The following PBX1 variants were observed in gnomAD, a reference collection of about 807,000 sequenced individuals.
The protein encoded by PBX1 is PBX homeobox 1.
Under a neutral mutation model 53.4 loss-of-function variants are expected in PBX1, and 6 were observed. That is an observed-to-expected ratio of 0.11 (90% CI 0.06 to 0.22). The LOEUF is 0.22. PBX1 is among the 10% of genes least tolerant of loss of function. PBX1 has a pLI of 1.00. For missense variants in PBX1, 251 were observed against 551.4 expected, an observed-to-expected ratio of 0.46 and a Z score of 5.46; for synonymous variants, 204 against 212.3, an observed-to-expected ratio of 0.96 and a Z score of 0.34.
intron 2 of PBX1, among the ~76,000 whole-genome samples, chr1:164,707,437 G>C (rs1663497619): frequency 6.6e-6 from 1 of 151,212 alleles, no homozygotes; most frequent in Admixed American, 6.6e-5. Context: ...GAGAGAGAGA[G>C]AGAGAGAGAG....
At chr1:164,666,872 A>G (rs1660839082) in intron 2 of PBX1, among the ~76,000 whole-genome samples, 1 of 152,254 alleles carries the variant, frequency 6.6e-6, no homozygotes, top group South Asian at 2.1e-4. Flanking sequence ...GTCTCATTGA[A>G]TCTTCACAGA....
At chr1:164,817,469 C>T (rs2102357351) in intron 6 of PBX1, 1 of 152,354 alleles carries the variant, frequency 6.6e-6, no homozygotes, top group East Asian at 1.9e-4. Context: ...CTTCTAGATA[C>T]TTATCAGAGA....
In PBX1 at chr1:164,849,398, C is replaced by T. The variant is rs767564399; in HGVS notation, c.*2722C>T. ...CACTTCCGACTTCCAACGTGGCATCCGTGAGATCTGTCCACATTAGGCGAA... is the reference window on the plus strand; with the variant it reads ...CACTTCCGACTTCCAACGTGGCATCTGTGAGATCTGTCCACATTAGGCGAA... On this transcript the variant is annotated 3_prime_UTR_variant, in exon 9 of 9. Transcript: ENST00000420696. The T allele has an allele frequency of 2.9e-5, 45 of 1,535,474 alleles. No individual in the cohort carries two copies. In the East Asian group the frequency reaches 8.1e-4, roughly 28 times the overall value.
intron 2 of PBX1, among the ~76,000 whole-genome samples, chr1:164,754,017 TC>T (rs1290788036): frequency 6.6e-6 from 1 of 152,090 alleles, no homozygotes; most frequent in Non-Finnish European, 1.5e-5. Flanking sequence ...AGCAGCGTGT[TC>T]CCTTGGCCAC....
chr1:164,693,465 G>C (rs1401481944), intron 2 of PBX1, among the ~76,000 whole-genome samples: 1 of 152,136 alleles, frequency 6.6e-6, no homozygotes, highest in Non-Finnish European at 1.5e-5. Flanking sequence ...CATTTTTATG[G>C]CATGCTTTAG....
intron 2 of PBX1, among the ~76,000 whole-genome samples, chr1:164,613,771 G>A (rs371449643): frequency 3.9e-5 from 6 of 152,032 alleles, no homozygotes; most frequent in East Asian, 3.9e-4. Flanking sequence ...AGGTAGAAAC[G>A]AAGAAATCTG....
At chr1:164,680,936 A>G (rs1661729495) in intron 2 of PBX1, 1 of 152,194 alleles carries the variant, frequency 6.6e-6, no homozygotes, top group Non-Finnish European at 1.5e-5. Flanking sequence ...CTTACAGAAC[A>G]CCTACTATGT....
chr1:164,878,207 G>A (rs1249784905), intron 2 of PBX1, among the ~76,000 whole-genome samples: 2 of 152,062 alleles, frequency 1.3e-5, no homozygotes, highest in Non-Finnish European at 2.9e-5. Flanking sequence ...GTCTGAGGCT[G>A]TTTTTTTCCT....
downstream of PBX1, among the ~76,000 whole-genome samples, chr1:164,853,945 T>C (rs910455504): frequency 6.6e-6 from 1 of 151,392 alleles, no homozygotes; most frequent in African/African-American, 2.4e-5. Context: ...ATTTTATTTT[T>C]TTTTTTGAGA....
chr1:164,832,709 G>A (rs1315463500), intron 8 of PBX1, among the ~76,000 whole-genome samples: 1 of 152,002 alleles, frequency 6.6e-6, no homozygotes, highest in Non-Finnish European at 1.5e-5. Flanking sequence ...AGAAAAGTAG[G>A]AAGAAAGAAT....
intron 2 of PBX1, chr1:164,652,070 T>G (rs1290473669): frequency 6.6e-6 from 1 of 151,800 alleles, no homozygotes; most frequent in African/African-American, 2.4e-5. Flanking sequence ...ATCATCACTT[T>G]TTTTTTTTTG....
chr1:164,838,426 C>G (rs773542283), intron 8 of PBX1, among the ~76,000 whole-genome samples: 1 of 152,142 alleles, frequency 6.6e-6, no homozygotes. Flanking sequence ...TTAGAATCCT[C>G]GGACTTTTCT....
At chr1:164,759,287 C>T (rs1384655857) in intron 2 of PBX1, among the ~76,000 whole-genome samples, 2 of 152,274 alleles carry the variant, frequency 1.3e-5, no homozygotes, top group South Asian at 2.1e-4. Flanking sequence ...TGGCTCAACC[C>T]CCATTCCAGT....
intron 8 of PBX1, among the ~76,000 whole-genome samples, chr1:164,841,700 A>G (rs1402107876): frequency 6.6e-6 from 1 of 152,180 alleles, no homozygotes; most frequent in Admixed American, 6.5e-5. Flanking sequence ...TAGAAGAGTG[A>G]TGAATCTAGG....
rs188237782 is a variant in PBX1, at chr1:164,821,587, A to G, written c.1161A>G (p.Gly387=). The change falls in exon 8 of 9, where the codon GGA becomes GGG. Residue 387 remains glycine (G), a synonymous_variant. Coordinates refer to ENST00000420696, the MANE Select transcript of PBX1 (RefSeq NM_002585.4). ...GCCAGACAGGAGGATACAGTGATGG[A>G]CTCGCAGCCAGTCAGATGTACAGTC... ...VISQTGGYSD[G]LAASQMYSPQ... 6.2e-6 allele frequency: 10 copies of G among 1,614,022 alleles called. No homozygotes were observed. The highest frequency in any genetic ancestry group is 8.5e-6 in the Non-Finnish European group (10 of 1,179,966).
intron 2 of PBX1, among the ~76,000 whole-genome samples, chr1:164,746,217 CAGACTGTATAGGGTATAGTTATAAG>C (rs1483802474): frequency 1.3e-5 from 2 of 152,176 alleles, no homozygotes; most frequent in Non-Finnish European, 2.9e-5. Flanking sequence ...AGGTTCAGTG[CAGACTGTATAGGGTATAGTTATAAG>C]AAGTACCTCA....
intron 4 of PBX1, among the ~76,000 whole-genome samples, chr1:164,803,578 G>A (rs953065439): frequency 4.6e-5 from 7 of 152,140 alleles, no homozygotes; most frequent in African/African-American, 1.4e-4. Flanking sequence ...AGGGTGGTGT[G>A]AAAAGCCACA....
intron 2 of PBX1, among the ~76,000 whole-genome samples, chr1:164,784,650 T>G (rs1470186641): frequency 6.6e-6 from 1 of 152,260 alleles, no homozygotes; most frequent in African/African-American, 2.4e-5. Context: ...TTTTACACAT[T>G]GTGGCTGTTG....
chr1:164,878,671 T>C (rs558689471), intron 2 of PBX1, among the ~76,000 whole-genome samples: 1 of 151,262 alleles, frequency 6.6e-6, no homozygotes, highest in East Asian at 1.9e-4. Context: ...GGGGAATTGC[T>C]ATAGGAAAAA....
Sources: allele counts gnomAD v4.1 joint callset (sites outside exome capture counted in the v4.1 genomes callset), GRCh38; gene constraint gnomAD v4.1.1; transcripts MANE v1.5; gene names NCBI Gene and HGNC (gene_info 2026-07-23, HGNC 2026-07-21).